Variants in KCNMA1 observed in about 807,000 individuals in gnomAD.
The protein encoded by KCNMA1 is Calcium-activated potassium channel subunit alpha-1.
In KCNMA1, 29 loss-of-function variants were observed where a neutral mutation model predicts 140.0. That is an observed-to-expected ratio of 0.21 (90% CI 0.15 to 0.28). KCNMA1 has a LOEUF of 0.28. Ranked by LOEUF, KCNMA1 falls within the 10% of genes least tolerant of loss-of-function variation. KCNMA1 has a pLI of 1.00. For synonymous variants in KCNMA1, 612 were observed against 611.9 expected (o/e 1.00, Z 0.00); for missense variants, 880 against 1,602.2 (o/e 0.55, Z 7.70).
chr10:77,581,208 T>C (rs975822154), intron 1 of KCNMA1, among the ~76,000 whole-genome samples: 5 of 152,186 alleles, frequency 3.3e-5, no homozygotes, highest in Non-Finnish European at 7.3e-5. Flanking sequence ...CTGCCTGCCA[T>C]CCATGACAGT....
intron 2 of KCNMA1, among the ~76,000 whole-genome samples, chr10:77,328,463 C>T (rs147177412): frequency 1.3e-5 from 2 of 152,280 alleles, no homozygotes; most frequent in African/African-American, 2.4e-5. Flanking sequence ...GGTGTGTGCT[C>T]AGGCAGTGCT....
intron 19 of KCNMA1, among the ~76,000 whole-genome samples, chr10:77,001,065 C>T (rs1049199171): frequency 6.6e-6 from 1 of 151,736 alleles, no homozygotes; most frequent in Non-Finnish European, 1.5e-5. Flanking sequence ...TTAACATGTA[C>T]ACTTCTGCAT....
At chr10:77,123,419 G>T (rs1323711238) in intron 5 of KCNMA1, among the ~76,000 whole-genome samples, 5 of 152,106 alleles carry the variant, frequency 3.3e-5, no homozygotes, top group South Asian at 4.1e-4. Context: ...ATCAGAATGG[G>T]AGGGGGCAAG....
chr10:77,272,425 A>G (rs1047780203), intron 2 of KCNMA1, among the ~76,000 whole-genome samples: 14 of 152,138 alleles, frequency 9.2e-5, no homozygotes, highest in Admixed American at 8.5e-4. Context: ...ACAGTTAACT[A>G]TTTTTGTGTA....
At chr10:77,402,615 T>C (rs2096309082) in intron 2 of KCNMA1, among the ~76,000 whole-genome samples, 2 of 152,150 alleles carry the variant, frequency 1.3e-5, no homozygotes, top group Admixed American at 6.5e-5. Context: ...CCCACAAAAG[T>C]GTGTGTGATA....
rs1326666566 is a variant in KCNMA1, at chr10:76,961,935, T to C, written c.2361-8011A>G. Among the ~76,000 whole-genome samples, 6 of 152,256 alleles carry C rather than the reference T, an allele frequency of 3.9e-5. No homozygotes were observed. In the East Asian group the frequency reaches 1.2e-3, roughly 29 times the overall value. Reference sequence around the variant, plus strand: ...TCACTTTGTTGTGGTGGTCTGGAACTGAGCCTGCAATATCTCTGAGGTGTG... The same window carrying C: ...TCACTTTGTTGTGGTGGTCTGGAACCGAGCCTGCAATATCTCTGAGGTGTG... On this transcript the variant is annotated intron_variant, in intron 20 of 27. Coordinates refer to ENST00000286628, the MANE Select transcript of KCNMA1 (RefSeq NM_001161352.2).
chr10:77,483,015 C>T (rs986422920), intron 1 of KCNMA1, among the ~76,000 whole-genome samples: 1 of 149,478 alleles, frequency 6.7e-6, no homozygotes, highest in Non-Finnish European at 1.5e-5. Context: ...CACACACACA[C>T]ACACACACAC....
At chr10:77,334,447 A>G (rs747334534) in intron 2 of KCNMA1, among the ~76,000 whole-genome samples, 15 of 152,334 alleles carry the variant, frequency 9.8e-5, no homozygotes, top group South Asian at 6.2e-4. Flanking sequence ...TTTTCTTACA[A>G]AAATCTTTGT....
chr10:77,461,348 G>C (rs747387960), intron 1 of KCNMA1, among the ~76,000 whole-genome samples: 5 of 151,936 alleles, frequency 3.3e-5, no homozygotes, highest in Non-Finnish European at 7.4e-5. Context: ...TATTTGTGGG[G>C]CAACTTGTTT....
At chr10:77,555,213 C>T (rs149579455) in intron 1 of KCNMA1, among the ~76,000 whole-genome samples, 96 of 152,200 alleles carry the variant, frequency 6.3e-4, no homozygotes, top group African/African-American at 2.2e-3. Flanking sequence ...CACTTCAGGG[C>T]GGGAGTCAGA....
At chr10:77,631,726 T>G (rs2093231293) in intron 1 of KCNMA1, among the ~76,000 whole-genome samples, 1 of 152,114 alleles carries the variant, frequency 6.6e-6, no homozygotes. Context: ...GGGAACAAAA[T>G]AGCTGTGAGG....
intron 1 of KCNMA1, among the ~76,000 whole-genome samples, chr10:77,552,429 G>A (rs1211272835): frequency 6.6e-6 from 1 of 152,140 alleles, no homozygotes; most frequent in Non-Finnish European, 1.5e-5. Flanking sequence ...AGGGATGTAG[G>A]GAAGACTAAA....
chr10:77,360,872 TAGCACGGAGGCCTG>T (rs1350379116), intron 2 of KCNMA1, among the ~76,000 whole-genome samples: 1 of 152,142 alleles, frequency 6.6e-6, no homozygotes, highest in Non-Finnish European at 1.5e-5. Context: ...AGTGGGGCAC[TAGCACGGAGGCCTG>T]AGCCTCCTCA....
Position 77,117,506 on chromosome 10 carries a change from G to A in KCNMA1, c.884+3467C>T, listed in dbSNP as rs1297341128. ...GGAGGTTGCAGTGAGCTGAGATCAC[G>A]CCCAGCCTGGACAACAGAGCAAGAG... On this transcript the variant is annotated intron_variant, in intron 6 of 27. Coordinates refer to ENST00000286628, the MANE Select transcript of KCNMA1 (RefSeq NM_001161352.2). 3.5e-5 allele frequency among the ~76,000 whole-genome samples: 4 copies of A among 114,718 alleles called. No homozygotes were observed. In the South Asian group the frequency reaches 9.2e-4, roughly 26 times the overall value. 75.3% of individuals were successfully genotyped at this position (114,718 alleles called of 152,430 possible). A position where few individuals can be genotyped will look rare whatever the true frequency, so the allele number is the denominator to read the frequency against.
At chr10:77,315,867 G>T (rs2080727887) in intron 2 of KCNMA1, among the ~76,000 whole-genome samples, 2 of 152,084 alleles carry the variant, frequency 1.3e-5, no homozygotes, top group African/African-American at 2.4e-5. Flanking sequence ...CCCAGTGGAG[G>T]ATCCCATCAC....
intron 19 of KCNMA1, chr10:76,979,380 C>T (rs1184380263): frequency 6.6e-6 from 1 of 152,168 alleles, no homozygotes; most frequent in Non-Finnish European, 1.5e-5. Flanking sequence ...CACATCAAAT[C>T]CTCCTGGTTA....
At chr10:77,183,391 G>A (rs199569703) in intron 5 of KCNMA1, 30 bp downstream of exon 5, 278 of 1,450,528 alleles carry the variant, frequency 1.9e-4, no homozygotes, top group Non-Finnish European at 2.6e-4. Flanking sequence ...TCAGGAACCA[G>A]GAAGGAGAAG....
chr10:77,636,651 T>C (rs2093772403), intron 1 of KCNMA1: 1 of 1,535,928 alleles, frequency 6.5e-7, no homozygotes, highest in Non-Finnish European at 8.7e-7. Context: ...CTACCCCCAA[T>C]AGTGGGATGG....
intron 10 of KCNMA1, among the ~76,000 whole-genome samples, chr10:77,089,005 A>G (rs115540433): frequency 0.018 from 2,782 of 152,282 alleles, 81 homozygotes; most frequent in African/African-American, 0.063. Context: ...GGCACAGCCT[A>G]CACACTATAC....
Sources: gnomAD v4.1 joint callset for allele counts (sites outside exome capture counted in the v4.1 genomes callset) on GRCh38, gnomAD v4.1.1 for gene constraint, MANE v1.5 for transcripts, NCBI Gene and HGNC (gene_info 2026-07-23, HGNC 2026-07-21) for gene names.